The following LAMA1 variants were observed in gnomAD, a reference collection of about 807,000 sequenced individuals.
The protein encoded by LAMA1 is laminin subunit alpha 1.
A neutral mutation model predicts 348.7 loss-of-function variants in LAMA1; 219 were observed. The ratio of observed to expected loss-of-function variants is 0.63; its 90% CI spans 0.56 to 0.70. The LOEUF is 0.70. Among genes scored for constraint, LAMA1 ranks in the 30% least tolerant of loss-of-function variants. The probability of loss-of-function intolerance (pLI) is 0.00; values close to 1 mark genes in which losing one functional copy is unlikely to be tolerated. For synonymous variants in LAMA1, 1,487 were observed against 1,491.0 expected (o/e 1.00, Z 0.06); for missense variants, 3,744 against 3,888.0 (o/e 0.96, Z 0.99).
chr18:7,007,125 A>G lies in LAMA1; in HGVS notation c.4260+14T>C. 6.2e-7 allele frequency: 1 copy of G among 1,613,700 alleles called. No individual in the cohort carries two copies. The highest frequency in any genetic ancestry group is 8.5e-7 in the Non-Finnish European group (1 of 1,179,894). On this transcript the variant is annotated intron_variant, in intron 29 of 62. Coordinates refer to ENST00000389658, the MANE Select transcript of LAMA1 (RefSeq NM_005559.4). ...CTTCTAAACTCAGGCAAGCACCCCC[A>G]CAAACCAGCATACCAGACACTTCCC...
At chr18:6,997,231 T>C (rs1033127007) in intron 33 of LAMA1, among the ~76,000 whole-genome samples, 12 of 152,006 alleles carry the variant, frequency 7.9e-5, no homozygotes, top group Middle Eastern at 3.2e-3. Flanking sequence ...ATCCAGCTAA[T>C]TTTTGTATTT....
intron 9 of LAMA1, among the ~76,000 whole-genome samples, chr18:7,041,092 A>G (rs999810759): frequency 1.3e-5 from 2 of 152,218 alleles, no homozygotes; most frequent in Non-Finnish European, 2.9e-5. Flanking sequence ...CAATACACCA[A>G]AACAATGAAT....
At chr18:6,974,298 ATGT>A (rs1465941299) in intron 46 of LAMA1, among the ~76,000 whole-genome samples, 5 of 152,166 alleles carry the variant, frequency 3.3e-5, no homozygotes, top group East Asian at 1.9e-4. Flanking sequence ...GAGGTGCAAA[ATGT>A]TGTTATGATT....
Position 6,957,785 on chromosome 18 carries a change from C to CTTTTTTTTTTTT in LAMA1, c.7964+691_7964+692insAAAAAAAAAAAA, listed in dbSNP as rs58835769. ...ACACAGGGAATGGAGGCTTCCAGTT[C>CTTTTTTTTTTTT]TTTTTTTTTCTGAGACAGAGTCTCA... On this transcript the variant is annotated intron_variant, in intron 55 of 62. Coordinates refer to ENST00000389658, the MANE Select transcript of LAMA1 (RefSeq NM_005559.4). 9.4e-4 allele frequency among the ~76,000 whole-genome samples: 142 copies of CTTTTTTTTTTTT among 150,840 alleles called. 1 individual carries two copies. Among genetic ancestry groups the CTTTTTTTTTTTT allele is most frequent in the African/African-American group, 3.2e-3 (130 of 40,678 alleles).
At chr18:7,022,785 T>G (rs143152299) in intron 19 of LAMA1, among the ~76,000 whole-genome samples, 2 of 152,318 alleles carry the variant, frequency 1.3e-5, no homozygotes, top group African/African-American at 4.8e-5. Flanking sequence ...ACCCTTCATC[T>G]TGGAATCCCA....
intron 11 of LAMA1, chr18:7,038,505 G>C (rs959378301): frequency 5.1e-6 from 2 of 395,098 alleles, no homozygotes; most frequent in Non-Finnish European, 9.2e-6. Context: ...CAGCAGGGGC[G>C]GGCGGAGGGA....
At chr18:7,064,185 A>T (rs1189042163) in intron 3 of LAMA1, among the ~76,000 whole-genome samples, 2 of 152,128 alleles carry the variant, frequency 1.3e-5, no homozygotes, top group Non-Finnish European at 2.9e-5. Flanking sequence ...TTCTGAAATT[A>T]AAGTATGCAA....
At chr18:7,086,920 A>C (rs2058219791) in intron 1 of LAMA1, among the ~76,000 whole-genome samples, 1 of 61,188 alleles carries the variant, frequency 1.6e-5, no homozygotes, top group Non-Finnish European at 3.5e-5. Context: ...AAATCTGCCC[A>C]CCATGATCTC....
At chr18:7,003,564 G>C (rs1470790369) in intron 29 of LAMA1, among the ~76,000 whole-genome samples, 2 of 152,082 alleles carry the variant, frequency 1.3e-5, no homozygotes, top group Non-Finnish European at 2.9e-5. Flanking sequence ...GGCCAAAAAG[G>C]TACACATTTT....
In LAMA1 at chr18:6,956,569, A is replaced by G. The variant is rs750177397; in HGVS notation, c.8094+67T>C. The G allele has an allele frequency of 4.3e-6, 7 of 1,609,940 alleles. No homozygotes were observed. In the Admixed American group the frequency reaches 1.2e-4, roughly 27 times the overall value. On this transcript the variant is annotated intron_variant, in intron 56 of 62. Transcript: ENST00000389658. ...ACCTTTACAGCAAGGCCCCATTTTA[A>G]CTCCCTCTGTCCTAGGCCCTCCTTT...
intron 3 of LAMA1, among the ~76,000 whole-genome samples, chr18:7,067,878 C>T (rs2058129624): frequency 6.7e-6 from 1 of 149,890 alleles, no homozygotes. Context: ...TTTGAGACGG[C>T]GTTTTGCTCT....
chr18:6,991,477 G>A (rs529197409), intron 36 of LAMA1, among the ~76,000 whole-genome samples: 32 of 145,128 alleles, frequency 2.2e-4, no homozygotes, highest in South Asian at 4.4e-4. Context: ...TGCAACCTCC[G>A]CTACCCAGGT....
chr18:7,038,712 A>G, intron 11 of LAMA1, 98 bp downstream of exon 11: 1 of 1,504,916 alleles, frequency 6.6e-7, no homozygotes, highest in East Asian at 2.3e-5. Context: ...GAGTGGTGTC[A>G]CGGGAAGTCA....
At chr18:6,957,342 C>CATGAATGAATGA (rs10635570) in intron 55 of LAMA1, 2,457 of 153,962 alleles carry the variant, frequency 0.016, 61 homozygotes, top group African/African-American at 0.051. Flanking sequence ...GAGGATGCCT[C>CATGAATGAATGA]ATGAATGAAT....
At chr18:6,958,017 T>C (rs1415911551) in intron 55 of LAMA1, among the ~76,000 whole-genome samples, 1 of 152,112 alleles carries the variant, frequency 6.6e-6, no homozygotes, top group African/African-American at 2.4e-5. Context: ...CCTGACCTCA[T>C]GATCTGCCTG....
At chr18:7,011,850 C>T in intron 24 of LAMA1, 145 bp downstream of exon 24, 1 of 956,062 alleles carries the variant, frequency 1.0e-6, no homozygotes, top group African/African-American at 1.7e-5. Context: ...GCTCTGATTC[C>T]TGTTCTAACC....
chr18:7,015,018 T>C (rs2057880302), intron 22 of LAMA1, among the ~76,000 whole-genome samples: 1 of 151,974 alleles, frequency 6.6e-6, no homozygotes, highest in African/African-American at 2.4e-5. Flanking sequence ...AGCTAATTTT[T>C]TTTGTATTTT....
At chr18:6,950,654 G>C in intron 58 of LAMA1, 128 bp downstream of exon 58, 1 of 1,047,380 alleles carries the variant, frequency 9.5e-7, no homozygotes, top group Non-Finnish European at 1.5e-6. Flanking sequence ...GTCTCTGGGG[G>C]AGACACCAGA....
intron 13 of LAMA1, among the ~76,000 whole-genome samples, chr18:7,035,438 T>G (rs2144169275): frequency 6.6e-6 from 1 of 152,238 alleles, no homozygotes; most frequent in East Asian, 1.9e-4. Context: ...TTTTTTTTTT[T>G]TTGAGATAGG....
Sources: allele counts gnomAD v4.1 joint callset (sites outside exome capture counted in the v4.1 genomes callset), GRCh38; gene constraint gnomAD v4.1.1; transcripts MANE v1.5; gene names NCBI Gene and HGNC (gene_info 2026-07-23, HGNC 2026-07-21).